The following OAS2 variants were observed in gnomAD, a reference collection of about 807,000 sequenced individuals.
The protein encoded by OAS2 is 2'-5'-oligoadenylate synthetase 2, also known as 2'-5'-oligoadenylate synthase 2.
OAS2 carries 67 observed loss-of-function variants against 71.3 expected under a neutral mutation model. That is an observed-to-expected ratio of 0.94 (90% CI 0.77 to 1.15). OAS2 has a LOEUF of 1.15. OAS2 is among the 50% of genes most tolerant of loss of function. OAS2 has a pLI of 0.00. For missense variants in OAS2, 789 were observed against 822.5 expected (o/e 0.96, Z 0.50); for synonymous variants, 327 against 321.8 (o/e 1.02, Z -0.17).
In OAS2 at chr12:113,010,241, A is replaced by G; in HGVS notation, c.*986A>G. ...AATTATTAAGATATGCATTATAAAT[A>G]AATACCAAAAAATTGTCTCTGGCAA... On this transcript the variant is annotated 3_prime_UTR_variant, in exon 10 of 10. Transcript: ENST00000392583. 6.8e-7 allele frequency: 1 copy of G among 1,473,806 alleles called. No homozygotes were observed. 91.3% of individuals were successfully genotyped at this position (1,473,806 alleles called of 1,614,324 possible).
chr12:113,003,918 T>C (rs1372060989), intron 6 of OAS2, among the ~76,000 whole-genome samples: 1 of 152,194 alleles, frequency 6.6e-6, no homozygotes, highest in Non-Finnish European at 1.5e-5. Flanking sequence ...TCATTGAAGG[T>C]CACTGGAGTG....
chr12:112,997,631 G>C lies in OAS2; in HGVS notation c.739G>C (p.Gly247Arg). 6.2e-7 allele frequency: 1 copy of C among 1,614,134 alleles called. No homozygotes were observed. Among genetic ancestry groups the C allele is most frequent in the Non-Finnish European group, 8.5e-7 (1 of 1,179,988 alleles). Residue 247 changes from glycine to arginine, a missense_variant, in exon 4 of 10, where the codon GGC becomes CGC. Coordinates refer to ENST00000392583, the MANE Select transcript of OAS2 (RefSeq NM_002535.3). The stretch of plus-strand genomic sequence containing the variant: ...AAAAGACAACTTTGACATTGCTGAA[G>C]GCGTCAGAACCGTACTGGAGCTGAT... ...CRKDNFDIAE[G>R]VRTVLELIKC...
chr12:112,982,265 G>C (rs2044090570), intron 1 of OAS2, among the ~76,000 whole-genome samples: 1 of 151,908 alleles, frequency 6.6e-6, no homozygotes, highest in Admixed American at 6.6e-5. Flanking sequence ...CAGGATACAG[G>C]CTGAAAGCCT....
intron 1 of OAS2, among the ~76,000 whole-genome samples, 166 bp from the exon 2 acceptor site, chr12:112,986,872 T>C (rs2136378876): frequency 6.6e-6 from 1 of 152,298 alleles, no homozygotes; most frequent in Admixed American, 6.5e-5. Context: ...ATGAAAAGTG[T>C]TACTATGAGC....
chr12:113,003,125 T>A (rs1365330302), intron 6 of OAS2, 23 bp downstream of exon 6: 2 of 1,612,504 alleles, frequency 1.2e-6, no homozygotes, highest in African/African-American at 2.7e-5. Context: ...CTTTCTCATG[T>A]CTTGTTGGAA....
chr12:112,990,873 C>A (rs1043242540), intron 2 of OAS2, among the ~76,000 whole-genome samples: 1 of 152,170 alleles, frequency 6.6e-6, no homozygotes, highest in Non-Finnish European at 1.5e-5. Context: ...TGAGCTCCCC[C>A]TTCCCATCAT....
At chr12:112,996,876 G>A (rs1035737227) in intron 3 of OAS2, among the ~76,000 whole-genome samples, 6 of 152,166 alleles carry the variant, frequency 3.9e-5, no homozygotes, top group Non-Finnish European at 8.8e-5. Context: ...AGAAGGGAAC[G>A]TTAGCTCTGG....
chr12:113,010,188 T>C lies in OAS2; in HGVS notation c.*933T>C, dbSNP rs1267327314. 7.4e-7 allele frequency: 1 copy of C among 1,349,306 alleles called. No individual in the cohort carries two copies. Among genetic ancestry groups the C allele is most frequent in the Non-Finnish European group, 9.5e-7 (1 of 1,052,646 alleles). The allele number at this position is 1,349,306 out of a possible 1,614,324, so 83.6% of individuals were successfully genotyped here. A position where few individuals can be genotyped will look rare whatever the true frequency, so the allele number is the denominator to read the frequency against. On this transcript the variant is annotated 3_prime_UTR_variant, in exon 10 of 10. Coordinates refer to ENST00000392583, the MANE Select transcript of OAS2 (RefSeq NM_002535.3). ...CCCTGGGGGGAATGTAGGGAAGAGG[T>C]GGCCAAGCCAACCGTGGGGTTAGCT...
chr12:112,981,432 T>C (rs2044081539), intron 1 of OAS2, among the ~76,000 whole-genome samples: 1 of 152,166 alleles, frequency 6.6e-6, no homozygotes, highest in African/African-American at 2.4e-5. Flanking sequence ...TTCTTCTACA[T>C]ATGGATATCC....
intron 6 of OAS2, among the ~76,000 whole-genome samples, chr12:113,004,708 T>A (rs1334760783): frequency 1.3e-5 from 2 of 152,232 alleles, no homozygotes; most frequent in African/African-American, 4.8e-5. Flanking sequence ...TGTTCATGTA[T>A]AAAAGGCAGG....
chr12:113,008,952 C>G lies in OAS2; in HGVS notation c.1896-135C>G, dbSNP rs2044357235. 3 of 1,427,914 alleles carry G rather than the reference C, an allele frequency of 2.1e-6. No homozygotes were observed. In the South Asian group the frequency reaches 4.4e-5, roughly 21 times the overall value. The allele number at this position is 1,427,914 out of a possible 1,614,324, so 88.5% of individuals were successfully genotyped here. On this transcript the variant is annotated intron_variant, in intron 9 of 9. Transcript: ENST00000392583. ...CTCTAGAAAGTTACTTTGAACCCTA[C>G]TAGTAAATTTGAGTTGCTGACATCT...
In OAS2 at chr12:112,998,337, A is replaced by G. The variant is rs748144882; in HGVS notation, c.935A>G (p.Lys312Arg). Residue 312 changes from lysine (K) to arginine (R), a missense_variant, in exon 5 of 10, where the codon AAA becomes AGA. Transcript: ENST00000392583. ...SGDKICWQWL[K>R]KEAQTWLTSP... Reference sequence around the variant, plus strand: ...GATAAAATATGCTGGCAATGGCTGAAAAAAGAAGCTCAAACCTGGTTGACT... The same window carrying G: ...GATAAAATATGCTGGCAATGGCTGAGAAAAGAAGCTCAAACCTGGTTGACT... The G allele has an allele frequency of 6.8e-6, 11 of 1,608,750 alleles. No individual in the cohort carries two copies. The African/African-American group carries it at 8.1e-5, about 12-fold the overall frequency.
At chr12:113,005,951 A>C (rs912849881) in intron 7 of OAS2, among the ~76,000 whole-genome samples, 4 of 129,486 alleles carry the variant, frequency 3.1e-5, no homozygotes, top group Non-Finnish European at 5.0e-5. Flanking sequence ...AAAAAAAAAA[A>C]CAAGAAGCAG....
intron 7 of OAS2, among the ~76,000 whole-genome samples, chr12:113,005,672 G>C (rs940066190): frequency 6.6e-6 from 1 of 151,494 alleles, no homozygotes; most frequent in East Asian, 1.9e-4. Context: ...TTCGAGACCA[G>C]CCTGGGCAAC....
chr12:113,010,232 A>C lies in OAS2; in HGVS notation c.*977A>C. The stretch of plus-strand genomic sequence containing the variant: ...GTTAGCTCTAATTATTAAGATATGC[A>C]TTATAAATAAATACCAAAAAATTGT... On this transcript the variant is annotated 3_prime_UTR_variant, in exon 10 of 10. Coordinates refer to ENST00000392583, the MANE Select transcript of OAS2 (RefSeq NM_002535.3). 1 of 1,470,414 alleles carries C rather than the reference A, an allele frequency of 6.8e-7. No individual in the cohort carries two copies. The highest frequency in any genetic ancestry group is 8.9e-7 in the Non-Finnish European group (1 of 1,118,870). 91.1% of individuals were successfully genotyped at this position (1,470,414 alleles called of 1,614,324 possible). A position where few individuals can be genotyped will look rare whatever the true frequency, so the allele number is the denominator to read the frequency against.
intron 3 of OAS2, among the ~76,000 whole-genome samples, chr12:112,996,208 A>T (rs1198650756): frequency 1.3e-5 from 2 of 152,104 alleles, no homozygotes; most frequent in African/African-American, 4.8e-5. Context: ...GCAATTTTCA[A>T]ATAGATGATT....
chr12:112,998,276 T>C lies in OAS2; in HGVS notation c.874T>C (p.Leu292=). The C allele has an allele frequency of 6.2e-7, 1 of 1,612,936 alleles. No individual in the cohort carries two copies. Among genetic ancestry groups the C allele is most frequent in the East Asian group, 2.2e-5 (1 of 44,782 alleles). The change falls in exon 5 of 10, where the codon TTG becomes CTG. Residue 292 remains leucine, a synonymous_variant. Coordinates refer to ENST00000392583, the MANE Select transcript of OAS2 (RefSeq NM_002535.3). ...TAATGGAATACACAGGCCAGTAATC[T>C]TGGATCCAGTTGACCCAACCAATAA... ...HQLQSARPVI[L]DPVDPTNNVS...
chr12:113,002,882 G>T (rs2044301533), intron 5 of OAS2, 50 bp from the exon 6 acceptor site: 1 of 1,570,870 alleles, frequency 6.4e-7, no homozygotes, highest in Non-Finnish European at 8.7e-7. Flanking sequence ...AGAAGCCTTG[G>T]GTGGGCTTAC....
At chr12:112,987,978 A>C in intron 2 of OAS2, 1 of 985,456 alleles carries the variant, frequency 1.0e-6, no homozygotes, top group Non-Finnish European at 1.2e-6. Context: ...TTAATAAAAG[A>C]TGGCTAGAGT....
Sources: gnomAD v4.1 joint callset for allele counts (sites outside exome capture counted in the v4.1 genomes callset) on GRCh38, gnomAD v4.1.1 for gene constraint, MANE v1.5 for transcripts, NCBI Gene and HGNC (gene_info 2026-07-23, HGNC 2026-07-21) for gene names.